Variants in METAP2 observed in about 807,000 individuals in gnomAD.
METAP2 encodes methionyl aminopeptidase 2.
Under a neutral mutation model 59.4 loss-of-function variants are expected in METAP2, and 25 were observed. The ratio of observed to expected loss-of-function variants is 0.42; its 90% CI spans 0.31 to 0.59. The LOEUF (loss-of-function observed/expected upper bound fraction) is 0.59. Among genes scored for constraint, METAP2 ranks in the 20% least tolerant of loss-of-function variants. The probability of loss-of-function intolerance (pLI) is 0.16; values close to 1 mark genes in which losing one functional copy is unlikely to be tolerated. For missense variants in METAP2, 366 were observed against 581.2 expected (o/e 0.63, Z 3.81); for synonymous variants, 214 against 194.1 (o/e 1.10, Z -0.85).
chr12:95,512,209 T>G (rs558801000), intron 9 of METAP2, among the ~76,000 whole-genome samples: 1 of 152,328 alleles, frequency 6.6e-6, no homozygotes, highest in African/African-American at 2.4e-5. Context: ...AAGGGTTGTT[T>G]ATTCAACATT....
At chr12:95,492,342 A>T (rs904413111) in intron 4 of METAP2, among the ~76,000 whole-genome samples, 3 of 152,108 alleles carry the variant, frequency 2.0e-5, no homozygotes, top group Non-Finnish European at 4.4e-5. Flanking sequence ...ACTAAATAAG[A>T]TAAAATATAG....
intron 8 of METAP2, 34 bp from the exon 9 acceptor site, chr12:95,511,861 T>A: frequency 6.8e-7 from 1 of 1,477,626 alleles, no homozygotes; most frequent in East Asian, 2.3e-5. Flanking sequence ...CTTGAGATCC[T>A]GAATGACTTT....
Position 95,494,985 on chromosome 12 carries a change from T to C in METAP2, c.619T>C (p.Leu207=). 1 of 1,613,422 alleles carries C rather than the reference T, an allele frequency of 6.2e-7. No individual in the cohort carries two copies. The highest frequency in any genetic ancestry group is 8.5e-7 in the Non-Finnish European group (1 of 1,179,678). Residue 207 remains leucine (L), a synonymous_variant, in exon 6 of 11, where the codon TTA becomes CTA. Transcript: ENST00000323666. The part of the protein sequence containing the change: ...CEKLEDCSRK[L]IKENGLNAGL... ...AAAGTTGGAAGACTGTTCACGCAAGTTAATAAAAGAGAATGGATTAAATGC... is the reference window on the plus strand; with the variant it reads ...AAAGTTGGAAGACTGTTCACGCAAGCTAATAAAAGAGAATGGATTAAATGC...
rs1458909365 is a variant in METAP2 at position 95,514,727 on chromosome 12, C to G, written c.*823C>G. 2 of 151,934 alleles carry G rather than the reference C, an allele frequency of 1.3e-5. No homozygotes were observed. The highest frequency in any genetic ancestry group is 2.1e-4 in the South Asian group (1 of 4,826). The allele number at this position is 151,934 out of a possible 1,614,324, so 9.4% of individuals were successfully genotyped here. On this transcript the variant is annotated 3_prime_UTR_variant, in exon 11 of 11. Transcript: ENST00000323666. Reference sequence around the variant, plus strand: ...TTTATCAGGGAATGTATTCAGCTTGCTCAGAAAACCAAAAGGGTATTAAAG... The same window carrying G: ...TTTATCAGGGAATGTATTCAGCTTGGTCAGAAAACCAAAAGGGTATTAAAG...
At chr12:95,476,004 A>C in intron 1 of METAP2, 67 bp from the exon 2 acceptor site, 1 of 901,540 alleles carries the variant, frequency 1.1e-6, no homozygotes, top group Non-Finnish European at 1.7e-6. Context: ...TTCCAAGATC[A>C]TTAGAGCATA....
At chr12:95,504,476 A>AT (rs953587641) in intron 8 of METAP2, among the ~76,000 whole-genome samples, 3 of 151,900 alleles carry the variant, frequency 2.0e-5, no homozygotes, top group African/African-American at 7.3e-5. Flanking sequence ...TCTCATTGTG[A>AT]TTTTTTTTGT....
At chr12:95,484,152 T>C (rs2076179176) in intron 3 of METAP2, among the ~76,000 whole-genome samples, 1 of 152,138 alleles carries the variant, frequency 6.6e-6, no homozygotes, top group East Asian at 1.9e-4. Flanking sequence ...TGTCTGGTTA[T>C]GCCTTCCTTT....
rs764009609 is a variant in METAP2 at position 95,512,912 on chromosome 12, A to G, written c.1180A>G (p.Ile394Val). 8 of 1,567,552 alleles carry G rather than the reference A, an allele frequency of 5.1e-6. No individual in the cohort carries two copies. Among genetic ancestry groups the G allele is most frequent in the Non-Finnish European group, 7.0e-6 (8 of 1,138,196 alleles). ...AAATTTTGATGTTGGACATGTGCCA[A>G]TAAGGTGAGAGACGAGACGATTGAT... ...MKNFDVGHVPIRLPRTKHLLN... is the reference protein window; with the variant it reads ...MKNFDVGHVPVRLPRTKHLLN... The change falls in exon 10 of 11, where the codon ATA becomes GTA. Residue 394 changes from isoleucine to valine, a missense_variant. By Grantham distance (29) the Ile-to-Val change is conservative. Coordinates refer to ENST00000323666, the MANE Select transcript of METAP2 (RefSeq NM_006838.4).
intron 2 of METAP2, among the ~76,000 whole-genome samples, chr12:95,481,272 A>G (rs747697210): frequency 6.6e-5 from 10 of 152,094 alleles, no homozygotes; most frequent in African/African-American, 9.7e-5. Context: ...TTAGCCAGGT[A>G]TAGTGGTGCG....
At position 95,474,203 on chromosome 12, in the gene METAP2, G is replaced by A; in HGVS notation, c.24G>A (p.Ala8=). The A allele has an allele frequency of 1.9e-6, 3 of 1,614,120 alleles. No homozygotes were observed. The highest frequency in any genetic ancestry group is 2.5e-6 in the Non-Finnish European group (3 of 1,179,992). Residue 8 remains alanine (A), a synonymous_variant, in exon 1 of 11, where the codon GCG becomes GCA. Coordinates refer to ENST00000323666, the MANE Select transcript of METAP2 (RefSeq NM_006838.4). The part of the protein sequence containing the change: MAGVEEV[A]ASGSHLNGDL... ...ACATGGCGGGTGTGGAGGAGGTAGC[G>A]GCCTCCGGGAGCCACCTGAATGGCG...
At chr12:95,482,356 ACCTG>A (rs2076164849) in intron 2 of METAP2, 1 of 297,910 alleles carries the variant, frequency 3.4e-6, no homozygotes, top group African/African-American at 2.3e-5. Context: ...CAAGTGATCC[ACCTG>A]CCTCAGCCTC....
At chr12:95,492,132 T>TTG (rs61423721) in intron 4 of METAP2, among the ~76,000 whole-genome samples, 2,611 of 149,288 alleles carry the variant, frequency 0.017, 30 homozygotes, top group Admixed American at 0.024. Flanking sequence ...ATATGTGTGT[T>TTG]TGTGTGTGTG....
intron 6 of METAP2, among the ~76,000 whole-genome samples, chr12:95,495,679 A>T (rs1031284423): frequency 1.3e-5 from 2 of 152,076 alleles, no homozygotes; most frequent in African/African-American, 4.8e-5. Context: ...GCCCTGCGTT[A>T]CTATTTCTCA....
At chr12:95,482,237 A>C in intron 2 of METAP2, 2 of 436,690 alleles carry the variant, frequency 4.6e-6, no homozygotes, top group Non-Finnish European at 9.2e-6. Flanking sequence ...TCAGCTTTCC[A>C]AGTAACTGGG....
chr12:95,495,968 G>T, intron 6 of METAP2, 36 bp from the exon 7 acceptor site: 1 of 1,261,078 alleles, frequency 7.9e-7, no homozygotes, highest in Non-Finnish European at 1.1e-6. Context: ...TTGACTAGCT[G>T]ATAAGTAAAA....
chr12:95,478,982 A>G (rs1267904607), intron 2 of METAP2, among the ~76,000 whole-genome samples: 1 of 152,094 alleles, frequency 6.6e-6, no homozygotes, highest in Non-Finnish European at 1.5e-5. Flanking sequence ...CTGGGATGGG[A>G]GGATCTTTGA....
intron 6 of METAP2, among the ~76,000 whole-genome samples, chr12:95,495,419 A>G (rs181740065): frequency 4.2e-4 from 64 of 152,230 alleles, no homozygotes; most frequent in Admixed American, 4.2e-3. Context: ...CATGAAAGAC[A>G]TTATCCTACC....
At chr12:95,489,138 A>G (rs1389694577) in intron 4 of METAP2, among the ~76,000 whole-genome samples, 2 of 152,084 alleles carry the variant, frequency 1.3e-5, no homozygotes, top group African/African-American at 2.4e-5. Flanking sequence ...CTGTTTCTTT[A>G]TACTTGCTGC....
intron 4 of METAP2, among the ~76,000 whole-genome samples, chr12:95,490,199 T>G (rs1319586173): frequency 6.6e-6 from 1 of 151,162 alleles, no homozygotes; most frequent in Admixed American, 6.6e-5. Flanking sequence ...ACTTCTGGGC[T>G]TAAGCAATCC....
Sources: allele counts gnomAD v4.1 joint callset (sites outside exome capture counted in the v4.1 genomes callset), GRCh38; gene constraint gnomAD v4.1.1; transcripts MANE v1.5; gene names NCBI Gene and HGNC (gene_info 2026-07-23, HGNC 2026-07-21).